The following RAVER2 variants were observed in gnomAD, a reference collection of about 807,000 sequenced individuals.
RAVER2 encodes ribonucleoprotein, PTB binding 2, also known as ribonucleoprotein PTB-binding 2.
In RAVER2, 46 loss-of-function variants were observed where a neutral mutation model predicts 78.1. The ratio of observed to expected loss-of-function variants is 0.59; its 90% confidence interval spans 0.46 to 0.75. The LOEUF (loss-of-function observed/expected upper bound fraction) is 0.75, where lower values mean the gene tolerates loss of function less well. Among genes scored for constraint, RAVER2 ranks in the 30% least tolerant of loss-of-function variants. The probability of loss-of-function intolerance (pLI) is 0.00; values close to 1 mark genes in which losing one functional copy is unlikely to be tolerated. For synonymous variants in RAVER2, 311 were observed against 313.3 expected, an observed-to-expected ratio of 0.99 and a Z score of 0.08; for missense variants, 793 against 837.5, an observed-to-expected ratio of 0.95 and a Z score of 0.66.
At chr1:64,766,485 G>A (rs1416923968) in intron 1 of RAVER2, among the ~76,000 whole-genome samples, 2 of 152,122 alleles carry the variant, frequency 1.3e-5, no homozygotes, top group Non-Finnish European at 2.9e-5. Flanking sequence ...TTTGTAGGAA[G>A]CTTTGTAAGG....
intron 5 of RAVER2, among the ~76,000 whole-genome samples, chr1:64,790,275 T>C (rs1652900018): frequency 6.6e-6 from 1 of 152,242 alleles, no homozygotes; most frequent in African/African-American, 2.4e-5. Flanking sequence ...TCCTGAGTAG[T>C]GTGATGAAAT....
intron 1 of RAVER2, among the ~76,000 whole-genome samples, chr1:64,762,587 A>G (rs531767058): frequency 2.2e-4 from 33 of 152,346 alleles, no homozygotes; most frequent in African/African-American, 7.5e-4. Context: ...GGGACAGAAT[A>G]GAGTCCAGAA....
chr1:64,763,954 A>ACACACC (rs1186925233), intron 1 of RAVER2, among the ~76,000 whole-genome samples: 3 of 149,026 alleles, frequency 2.0e-5, no homozygotes, highest in Admixed American at 1.3e-4. Context: ...ACACACACAC[A>ACACACC]CCCCTACCAT....
At chr1:64,802,180 C>T (rs2100870424) in intron 5 of RAVER2, among the ~76,000 whole-genome samples, 1 of 152,302 alleles carries the variant, frequency 6.6e-6, no homozygotes, top group Admixed American at 6.5e-5. Flanking sequence ...TAGGTTTTAG[C>T]CGGCTTCTTT....
At chr1:64,766,971 T>C (rs1389186137) in intron 1 of RAVER2, among the ~76,000 whole-genome samples, 1 of 152,170 alleles carries the variant, frequency 6.6e-6, no homozygotes, top group East Asian at 1.9e-4. Context: ...CTAATCTTTA[T>C]AATTGAGCAT....
chr1:64,829,719 C>T (rs1654079436), intron 11 of RAVER2, among the ~76,000 whole-genome samples: 1 of 152,150 alleles, frequency 6.6e-6, no homozygotes, highest in South Asian at 2.1e-4. Context: ...ACTTTACTAC[C>T]AGGAAAAAAA....
At chr1:64,819,634 G>T (rs1377731230) in intron 11 of RAVER2, among the ~76,000 whole-genome samples, 2 of 152,224 alleles carry the variant, frequency 1.3e-5, no homozygotes, top group Non-Finnish European at 2.9e-5. Context: ...AACAGGCTCA[G>T]AGGCCCTCCT....
At chr1:64,822,129 A>G (rs1653904283) in intron 11 of RAVER2, among the ~76,000 whole-genome samples, 2 of 152,176 alleles carry the variant, frequency 1.3e-5, no homozygotes, top group African/African-American at 4.8e-5. Flanking sequence ...TCTACTAAAA[A>G]TACAAAAAAT....
chr1:64,827,177 G>T (rs1009284136), intron 11 of RAVER2, among the ~76,000 whole-genome samples: 1 of 152,198 alleles, frequency 6.6e-6, no homozygotes, highest in African/African-American at 2.4e-5. Flanking sequence ...GACACCAGGG[G>T]TTAGTCACTG....
chr1:64,789,020 A>C (rs1042431733), intron 4 of RAVER2, among the ~76,000 whole-genome samples: 2 of 152,128 alleles, frequency 1.3e-5, no homozygotes, highest in Non-Finnish European at 2.9e-5. Flanking sequence ...ATTAAACTTT[A>C]AATCAACATT....
chr1:64,760,049 A>T (rs1263973278), intron 1 of RAVER2, among the ~76,000 whole-genome samples: 1 of 151,990 alleles, frequency 6.6e-6, no homozygotes, highest in Non-Finnish European at 1.5e-5. Context: ...TATGAAAATT[A>T]TAAGCATATA....
intron 11 of RAVER2, among the ~76,000 whole-genome samples, chr1:64,827,271 A>G (rs1434279211): frequency 1.3e-5 from 2 of 152,056 alleles, no homozygotes; most frequent in African/African-American, 2.4e-5. Flanking sequence ...ATGAGGGTGT[A>G]CTGTTGGAGC....
intron 2 of RAVER2, among the ~76,000 whole-genome samples, chr1:64,771,258 C>A (rs957980237): frequency 6.6e-6 from 1 of 151,998 alleles, no homozygotes; most frequent in African/African-American, 2.4e-5. Context: ...AGGGTAACAT[C>A]TTTTCATTCT....
At chr1:64,756,717 T>C (rs1651866077) in intron 1 of RAVER2, among the ~76,000 whole-genome samples, 1 of 152,210 alleles carries the variant, frequency 6.6e-6, no homozygotes, top group Non-Finnish European at 1.5e-5. Flanking sequence ...TCATTAGTTT[T>C]TTCACTTAAG....
intron 1 of RAVER2, among the ~76,000 whole-genome samples, chr1:64,756,066 G>T (rs1651849768): frequency 1.3e-5 from 2 of 152,152 alleles, no homozygotes; most frequent in South Asian, 2.1e-4. Flanking sequence ...TACAGTGAAA[G>T]AATTCAGTTC....
intron 9 of RAVER2, among the ~76,000 whole-genome samples, chr1:64,811,200 C>T (rs976595823): frequency 3.3e-5 from 5 of 152,188 alleles, no homozygotes; most frequent in South Asian, 2.1e-4. Flanking sequence ...TAGTGTGTAC[C>T]GTACTACTGT....
intron 1 of RAVER2, among the ~76,000 whole-genome samples, chr1:64,763,283 C>T (rs371985417): frequency 1.3e-5 from 2 of 151,352 alleles, no homozygotes. Context: ...GGCGACAGAG[C>T]GAGACTCCAT....
exon 9 of RAVER2, chr1:64,807,428 A>G (rs1245521330): frequency 2.5e-6 from 4 of 1,614,056 alleles, no homozygotes; most frequent in South Asian, 2.2e-5. Flanking sequence ...GTGGGACACC[A>G]TAAGCAGCAG....
chr1:64,787,653 C>T (rs1224016422), intron 4 of RAVER2, among the ~76,000 whole-genome samples: 1 of 152,086 alleles, frequency 6.6e-6, no homozygotes, highest in Non-Finnish European at 1.5e-5. Context: ...TTATCTTGTC[C>T]CCATTGTCTC....
Sources: gnomAD v4.1 joint callset for allele counts (sites outside exome capture counted in the v4.1 genomes callset) on GRCh38, gnomAD v4.1.1 for gene constraint, MANE v1.5 for transcripts, NCBI Gene and HGNC (gene_info 2026-07-23, HGNC 2026-07-21) for gene names.